The following MAGI2 variants were observed in gnomAD, a reference collection of about 807,000 sequenced individuals.
MAGI2 encodes the protein membrane associated guanylate kinase, WW and PDZ domain containing 2.
MAGI2 carries 35 observed loss-of-function variants against 133.3 expected under a neutral mutation model. The observed-to-expected ratio is 0.26, with a 90% confidence interval of 0.20 to 0.35. The LOEUF (loss-of-function observed/expected upper bound fraction) is 0.35. Ranked by LOEUF, MAGI2 falls within the 10% of genes least tolerant of loss-of-function variation. MAGI2 has a pLI of 1.00. For missense variants in MAGI2, 1,636 were observed against 1,863.4 expected (o/e 0.88, Z 2.25); for synonymous variants, 729 against 710.6 (o/e 1.03, Z -0.41).
intron 1 of MAGI2, among the ~76,000 whole-genome samples, chr7:79,044,343 C>T (rs1373622020): frequency 6.6e-6 from 1 of 152,214 alleles, no homozygotes; most frequent in Non-Finnish European, 1.5e-5. Context: ...ACATAATCAT[C>T]TCAATAGATC....
At chr7:78,964,785 C>T (rs1803162195) in intron 2 of MAGI2, among the ~76,000 whole-genome samples, 2 of 151,856 alleles carry the variant, frequency 1.3e-5, no homozygotes, top group South Asian at 4.1e-4. Flanking sequence ...AATGACTTTC[C>T]CTAGAACTTA....
chr7:79,108,515 G>A (rs1238354710), intron 1 of MAGI2, among the ~76,000 whole-genome samples: 1 of 152,176 alleles, frequency 6.6e-6, no homozygotes, highest in Non-Finnish European at 1.5e-5. Context: ...TTGCCAGTTT[G>A]ATTTTTTTCT....
chr7:78,672,775 C>G (rs552750291), intron 2 of MAGI2, among the ~76,000 whole-genome samples: 1 of 152,142 alleles, frequency 6.6e-6, no homozygotes, highest in African/African-American at 2.4e-5. Context: ...TGAGGCCCAA[C>G]AAACTAAATT....
chr7:78,228,473 G>GTTCT, intron 10 of MAGI2, among the ~76,000 whole-genome samples: 1 of 152,156 alleles, frequency 6.6e-6, no homozygotes, highest in Non-Finnish European at 1.5e-5. Flanking sequence ...AGTAAGCAAG[G>GTTCT]TTCTAACAGG....
In MAGI2 at chr7:78,466,922, T is replaced by G. The variant is rs572413832; in HGVS notation, c.1045+22839A>C. ...ACTCTTTCTTTGCATCAAGATACCT[T>G]TAGGTAGTAAAATTAATGGGTATCT... On this transcript the variant is annotated intron_variant, in intron 6 of 21. Coordinates refer to ENST00000354212, the MANE Select transcript of MAGI2 (RefSeq NM_012301.4). Among the ~76,000 whole-genome samples the G allele has an allele frequency of 2.2e-4, 33 of 152,226 alleles. No homozygotes were observed. The South Asian group carries it at 6.2e-3, about 29-fold the overall frequency.
At chr7:78,860,552 GA>G (rs1453414253) in intron 2 of MAGI2, among the ~76,000 whole-genome samples, 1 of 152,172 alleles carries the variant, frequency 6.6e-6, no homozygotes, top group African/African-American at 2.4e-5. Context: ...GGAGGCTGCA[GA>G]AAAGCAAATA....
chr7:78,579,020 T>A (rs1166658069), intron 3 of MAGI2, among the ~76,000 whole-genome samples: 3 of 152,196 alleles, frequency 2.0e-5, no homozygotes, highest in Non-Finnish European at 4.4e-5. Context: ...CAGCCTTCTA[T>A]TCCCATGTCT....
At chr7:78,351,320 A>G (rs1791488699) in intron 7 of MAGI2, among the ~76,000 whole-genome samples, 1 of 152,140 alleles carries the variant, frequency 6.6e-6, no homozygotes, top group African/African-American at 2.4e-5. Context: ...TAGCCTGGGC[A>G]ACACGGCAAA....
At chr7:78,594,260 T>A (rs544156889) in intron 3 of MAGI2, among the ~76,000 whole-genome samples, 1 of 152,208 alleles carries the variant, frequency 6.6e-6, no homozygotes, top group Non-Finnish European at 1.5e-5. Flanking sequence ...TCCTATTCTC[T>A]GCTACTGTGG....
At chr7:79,032,062 T>TC (rs1449508243) in intron 1 of MAGI2, among the ~76,000 whole-genome samples, 1 of 152,172 alleles carries the variant, frequency 6.6e-6, no homozygotes. Context: ...AGTTGAGCTA[T>TC]ATTTCATTAC....
At position 79,359,367 on chromosome 7, in the gene MAGI2, A is replaced by G. The variant is rs574824647; in HGVS notation, c.301+93653T>C. ...AAACTTGTGAAACAATAAATGATCC[A>G]ACTTTCATAACATCAGAGTCTCAGA... On this transcript the variant is annotated intron_variant, in intron 1 of 21. Coordinates refer to ENST00000354212, the MANE Select transcript of MAGI2 (RefSeq NM_012301.4). 4.6e-5 allele frequency among the ~76,000 whole-genome samples: 7 copies of G among 152,262 alleles called. No individual in the cohort carries two copies. The South Asian group carries it at 1.2e-3, about 27-fold the overall frequency.
chr7:78,397,398 C>A (rs1354900721), intron 6 of MAGI2, among the ~76,000 whole-genome samples: 2 of 150,148 alleles, frequency 1.3e-5, no homozygotes, highest in Non-Finnish European at 3.0e-5. Context: ...CACACACACA[C>A]CCCTTGTCTT....
At chr7:79,430,584 T>C (rs1431531441) in intron 1 of MAGI2, among the ~76,000 whole-genome samples, 1 of 152,202 alleles carries the variant, frequency 6.6e-6, no homozygotes, top group Non-Finnish European at 1.5e-5. Context: ...CACAGTTGTC[T>C]GGGAGCACCA....
At chr7:78,155,323 G>A (rs1409740468) in intron 16 of MAGI2, among the ~76,000 whole-genome samples, 1 of 152,150 alleles carries the variant, frequency 6.6e-6, no homozygotes. Context: ...AAGTCAAGAA[G>A]GATAATCTGG....
chr7:78,459,984 G>A (rs1458151448), intron 6 of MAGI2, among the ~76,000 whole-genome samples: 1 of 152,196 alleles, frequency 6.6e-6, no homozygotes, highest in African/African-American at 2.4e-5. Flanking sequence ...CTGTTGGGCT[G>A]CACCCCAGGG....
chr7:78,477,608 A>G (rs1313822662), intron 6 of MAGI2, among the ~76,000 whole-genome samples: 1 of 151,810 alleles, frequency 6.6e-6, no homozygotes, highest in Non-Finnish European at 1.5e-5. Flanking sequence ...GGGAACTCCC[A>G]TTTATAAAAC....
chr7:78,718,578 T>C (rs1399217521), intron 2 of MAGI2, among the ~76,000 whole-genome samples: 3 of 151,724 alleles, frequency 2.0e-5, no homozygotes, highest in African/African-American at 7.3e-5. Context: ...GAGAATCTAA[T>C]GCCTGATGAT....
intron 2 of MAGI2, among the ~76,000 whole-genome samples, chr7:78,635,187 G>A (rs1012644750): frequency 2.0e-5 from 3 of 152,314 alleles, no homozygotes; most frequent in African/African-American, 7.2e-5. Context: ...ACACAGTGAA[G>A]TCACATGGAA....
rs1174401534 is a variant in MAGI2, at chr7:78,078,603, G to C, written c.3706+344C>G. ...TTGATAAATTACTGTGTACTCAAAT[G>C]AACAGTGGACTATCAGTCAAATTGT... On this transcript the variant is annotated intron_variant, in intron 21 of 21. Coordinates refer to ENST00000354212, the MANE Select transcript of MAGI2 (RefSeq NM_012301.4). The C allele has an allele frequency of 1.6e-5, 7 of 429,928 alleles. No homozygotes were observed. The Admixed American group carries it at 2.1e-4, about 13-fold the overall frequency. The allele number at this position is 429,928 out of a possible 1,614,324, so 26.6% of individuals were successfully genotyped here.
Sources: gnomAD v4.1 joint callset for allele counts (sites outside exome capture counted in the v4.1 genomes callset) on GRCh38, gnomAD v4.1.1 for gene constraint, MANE v1.5 for transcripts, NCBI Gene and HGNC (gene_info 2026-07-23, HGNC 2026-07-21) for gene names.